SLC39A5: variants seen among roughly 807,000 people sequenced by gnomAD.
SLC39A5 encodes the protein solute carrier family 39 member 5.
Under a neutral mutation model 46.9 loss-of-function variants are expected in SLC39A5, and 42 were observed. That is an observed-to-expected ratio of 0.90 (90% CI 0.70 to 1.16). The LOEUF is 1.16. SLC39A5 is among the 50% of genes most tolerant of loss of function. The pLI is 0.00. For missense variants in SLC39A5, 677 were observed against 686.8 expected, an observed-to-expected ratio of 0.99 and a Z score of 0.16; for synonymous variants, 311 against 323.1, an observed-to-expected ratio of 0.96 and a Z score of 0.40.
intron 12 of SLC39A5, 61 bp downstream of exon 12, chr12:56,237,401 G>C (rs2135866708): frequency 2.6e-6 from 4 of 1,540,904 alleles, no homozygotes; most frequent in African/African-American, 2.7e-5. Flanking sequence ...AGTGGAGAGG[G>C]AGGTAGCAGT....
rs1870067560 is a variant in SLC39A5 at position 56,230,120 on chromosome 12, C to T, written c.-173C>T. ...TCTGGGTGTCCTTGTCTCCTGCTAT[C>T]AGGTAATGCCAACCTCAACCCCCTG... On this transcript the variant is annotated splice_region_variant and 5_prime_UTR_variant, in exon 1 of 13. Coordinates refer to ENST00000454355, the MANE Select transcript of SLC39A5 (RefSeq NM_173596.3). 1 of 146,588 alleles carries T rather than the reference C, an allele frequency of 6.8e-6. No homozygotes were observed. The highest frequency in any genetic ancestry group is 1.5e-5 in the Non-Finnish European group (1 of 67,168). 9.1% of individuals were successfully genotyped at this position (146,588 alleles called of 1,614,324 possible). A position where few individuals can be genotyped will look rare whatever the true frequency, so the allele number is the denominator to read the frequency against.
chr12:56,231,127 T>C (rs1358118323), intron 3 of SLC39A5, 77 bp from the exon 4 acceptor site: 2 of 819,150 alleles, frequency 2.4e-6, no homozygotes, highest in African/African-American at 3.4e-5. Context: ...GGGGAGCAGG[T>C]GCAAGGAGCT....
chr12:56,232,958 T>G, intron 5 of SLC39A5, 86 bp downstream of exon 5: 2 of 1,431,954 alleles, frequency 1.4e-6, no homozygotes, highest in Non-Finnish European at 1.9e-6. Context: ...TTTGTTTTGT[T>G]TTGTTTTTAA....
rs781057285 is a variant in SLC39A5, at chr12:56,231,343, G to A, written c.69G>A (p.Gly23=). The change falls in exon 4 of 13, where the codon GGG becomes GGA. Residue 23 remains glycine (G), a synonymous_variant. Transcript: ENST00000454355. ...FCVWVVLGWV[G]GSVPNLGPAE... ...TGTGGGTCGTCTTGGGCTGGGTAGG[G>A]GGCTCAGTCCCCAACCTGGGCCCTG... 2.4e-5 allele frequency: 38 copies of A among 1,613,650 alleles called. No individual in the cohort carries two copies. In the African/African-American group the frequency reaches 3.2e-4, roughly 14 times the overall value.
At chr12:56,232,657 G>T in intron 4 of SLC39A5, 32 bp from the exon 5 acceptor site, 4 of 1,565,724 alleles carry the variant, frequency 2.6e-6, no homozygotes, top group Non-Finnish European at 3.4e-6. Context: ...GAGAACACAA[G>T]GGAGGCTGAC....
At chr12:56,235,849 C>A (rs1302319883) in intron 8 of SLC39A5, 149 bp downstream of exon 8, 15 of 995,612 alleles carry the variant, frequency 1.5e-5, no homozygotes, top group Non-Finnish European at 2.0e-5. Context: ...TCGAGTCCAG[C>A]CTGACCAACA....
At chr12:56,235,500 C>A in intron 7 of SLC39A5, 60 bp from the exon 8 acceptor site, 1 of 1,573,836 alleles carries the variant, frequency 6.4e-7, no homozygotes, top group South Asian at 1.2e-5. Flanking sequence ...ACAATCCATG[C>A]AAGGGGATGT....
rs1870214401 is a variant in SLC39A5 at position 56,231,512 on chromosome 12, C to T, written c.238C>T (p.Pro80Ser). ...VQGLRLGQHG[P>S]LTGRAASPAA... ...GGGGCTTCGCCTGGGACAGCATGGG[C>T]CTCTGACTGGACGGGCTGCATCCCC... Residue 80 changes from proline to serine, a missense_variant, in exon 4 of 13, where the codon CCT becomes TCT. Transcript: ENST00000454355. The T allele has an allele frequency of 6.3e-7, 1 of 1,596,788 alleles. No homozygotes were observed. The highest frequency in any genetic ancestry group is 8.5e-7 in the Non-Finnish European group (1 of 1,170,464).
At position 56,233,478 on chromosome 12, in the gene SLC39A5, T is replaced by A. The variant is rs76742216; in HGVS notation, c.471+606T>A. On this transcript the variant is annotated intron_variant, in intron 5 of 12. Coordinates refer to ENST00000454355, the MANE Select transcript of SLC39A5 (RefSeq NM_173596.3). ...AATGAAAATAAAAAAAATAAAAAAA[T>A]AAAAAAAAAATATCTCACTGTGGTC... Among the ~76,000 whole-genome samples the A allele has an allele frequency of 2.2e-3, 323 of 147,864 alleles. 6 individuals carry two copies. The highest frequency in any genetic ancestry group is 7.6e-3 in the African/African-American group (304 of 40,196).
chr12:56,233,825 T>C (rs1240497677), intron 5 of SLC39A5, among the ~76,000 whole-genome samples: 1 of 152,174 alleles, frequency 6.6e-6, no homozygotes, highest in African/African-American at 2.4e-5. Flanking sequence ...ACAGGGCTGT[T>C]GAGAGGGAGA....
intron 5 of SLC39A5, among the ~76,000 whole-genome samples, chr12:56,233,485 A>T (rs1870442499): frequency 6.6e-6 from 1 of 151,916 alleles, no homozygotes; most frequent in African/African-American, 2.4e-5. Flanking sequence ...AAATAAAAAA[A>T]AAATATCTCA....
intron 4 of SLC39A5, 127 bp from the exon 5 acceptor site, chr12:56,232,562 G>GT: frequency 3.8e-6 from 3 of 798,402 alleles, no homozygotes; most frequent in Non-Finnish European, 5.7e-6. Flanking sequence ...ACATTCCATG[G>GT]TTTCTGGGTC....
intron 4 of SLC39A5, 137 bp downstream of exon 4, chr12:56,231,698 C>A: frequency 1.2e-6 from 1 of 845,860 alleles, no homozygotes; most frequent in Non-Finnish European, 1.7e-6. Flanking sequence ...CTTGGTATCT[C>A]TTCAAAACCT....
chr12:56,231,524 C>CG lies in SLC39A5; in HGVS notation c.253dup (p.Ala85GlyfsTer17). On this transcript the variant is annotated frameshift_variant, in exon 4 of 13. Transcript: ENST00000454355. LOFTEE classifies it high-confidence loss of function. Reference sequence around the variant, plus strand: ...GGGACAGCATGGGCCTCTGACTGGACGGGCTGCATCCCCAGCTGCAGACAA... The same window carrying CG: ...GGGACAGCATGGGCCTCTGACTGGACGGGGCTGCATCCCCAGCTGCAGACAA... 1 of 1,582,548 alleles carries CG rather than the reference C, an allele frequency of 6.3e-7. No homozygotes were observed. Among genetic ancestry groups the CG allele is most frequent in the Non-Finnish European group, 8.6e-7 (1 of 1,163,056 alleles).
At chr12:56,233,571 G>C (rs1350902903) in intron 5 of SLC39A5, among the ~76,000 whole-genome samples, 1 of 152,190 alleles carries the variant, frequency 6.6e-6, no homozygotes, top group East Asian at 1.9e-4. Flanking sequence ...CCCATATCCA[G>C]AGCTCCAAGA....
At chr12:56,232,975 A>C in intron 5 of SLC39A5, 103 bp downstream of exon 5, 1 of 1,228,346 alleles carries the variant, frequency 8.1e-7, no homozygotes, top group Non-Finnish European at 1.1e-6. Context: ...TTAAATCCCA[A>C]CGTGGACCAA....
chr12:56,231,580 A>C lies in SLC39A5; in HGVS notation c.287+19A>C. The C allele has an allele frequency of 2.7e-6, 4 of 1,507,640 alleles. No individual in the cohort carries two copies. The highest frequency in any genetic ancestry group is 2.4e-5 in the East Asian group (1 of 42,546). 93.4% of individuals were successfully genotyped at this position (1,507,640 alleles called of 1,614,324 possible). On this transcript the variant is annotated intron_variant, in intron 4 of 12. Transcript: ENST00000454355. ...CACACAGGTACTGACCCCTTCCTCC[A>C]CTCCACAGGGCCACATCTCCCAGGT...
In SLC39A5 at chr12:56,237,703, G is replaced by A. The variant is rs144141700; in HGVS notation, c.1595G>A (p.Arg532Gln). The A allele has an allele frequency of 2.3e-5, 37 of 1,586,908 alleles. No homozygotes were observed. In the African/African-American group the frequency reaches 3.2e-4, roughly 14 times the overall value. Residue 532 changes from arginine (R) to glutamine (Q), a missense_variant, in exon 13 of 13, where the codon CGG (arginine) becomes CAG (glutamine). Arg to Gln is a conservative substitution (Grantham distance 43). Transcript: ENST00000454355. Reference sequence around the variant, plus strand: ...CTTGCCATAACCCTGCTGGAGGAGCGGCTACTGCCCGTGACCACTGAGGGC... The same window carrying A: ...CTTGCCATAACCCTGCTGGAGGAGCAGCTACTGCCCGTGACCACTGAGGGC... ...LMLAITLLEE[R>Q]LLPVTTEG
At chr12:56,233,979 C>T (rs1042975461) in intron 5 of SLC39A5, among the ~76,000 whole-genome samples, 1 of 152,070 alleles carries the variant, frequency 6.6e-6, no homozygotes, top group African/African-American at 2.4e-5. Context: ...CTCACTAGCA[C>T]CCAGTTTGCA....
Sources: allele counts gnomAD v4.1 joint callset (sites outside exome capture counted in the v4.1 genomes callset), GRCh38; gene constraint gnomAD v4.1.1; transcripts MANE v1.5; gene names NCBI Gene and HGNC (gene_info 2026-07-23, HGNC 2026-07-21).